The following ACACA variants were observed in gnomAD, a reference collection of about 807,000 sequenced individuals.
The protein encoded by ACACA is acetyl-CoA carboxylase 1.
A neutral mutation model predicts 296.1 loss-of-function variants in ACACA; 103 were observed. That is an observed-to-expected ratio of 0.35 (90% CI 0.30 to 0.41). The LOEUF (loss-of-function observed/expected upper bound fraction) is 0.41, where lower values mean the gene tolerates loss of function less well. Among genes scored for constraint, ACACA ranks in the 10% least tolerant of loss-of-function variants. The pLI is 1.00. For missense variants in ACACA, 1,554 were observed against 2,989.7 expected (o/e 0.52, Z 11.20); for synonymous variants, 953 against 1,038.6 (o/e 0.92, Z 1.58).
At chr17:37,155,428 T>C (rs781683000) in intron 43 of ACACA, among the ~76,000 whole-genome samples, 1 of 151,714 alleles carries the variant, frequency 6.6e-6, no homozygotes, top group Non-Finnish European at 1.5e-5. Flanking sequence ...TTGTGGCTAA[T>C]TTTTTTTTCT....
At chr17:37,325,072 G>T (rs149664409) in intron 3 of ACACA, among the ~76,000 whole-genome samples, 2 of 144,758 alleles carry the variant, frequency 1.4e-5, no homozygotes, top group African/African-American at 5.1e-5. Context: ...ATGGTGGCGC[G>T]CACCTCTAAT....
intron 25 of ACACA, among the ~76,000 whole-genome samples, chr17:37,233,823 C>T (rs2079979199): frequency 6.6e-6 from 1 of 152,280 alleles, no homozygotes; most frequent in South Asian, 2.1e-4. Flanking sequence ...ATTGTACTAA[C>T]ATATATATTT....
At chr17:37,293,387 C>T (rs2083168349) in intron 3 of ACACA, among the ~76,000 whole-genome samples, 1 of 151,694 alleles carries the variant, frequency 6.6e-6, no homozygotes, top group African/African-American at 2.4e-5. Flanking sequence ...CAATGAAACC[C>T]GAAAAAGCAA....
chr17:37,306,920 A>T (rs1224177359), intron 3 of ACACA, among the ~76,000 whole-genome samples: 2 of 150,714 alleles, frequency 1.3e-5, no homozygotes, highest in Non-Finnish European at 3.0e-5. Flanking sequence ...CTGGTCTTGA[A>T]CTCCTGGCCT....
chr17:37,262,188 T>C (rs1267624759), intron 11 of ACACA, among the ~76,000 whole-genome samples: 1 of 152,188 alleles, frequency 6.6e-6, no homozygotes, highest in Non-Finnish European at 1.5e-5. Flanking sequence ...TACTTCATCA[T>C]TTTAGGAATA....
intron 1 of ACACA, chr17:37,376,263 TC>T: frequency 1.1e-6 from 1 of 869,880 alleles, no homozygotes; most frequent in Non-Finnish European, 1.9e-6. Context: ...AGCAATACTT[TC>T]CAGAGTTAAT....
intron 25 of ACACA, among the ~76,000 whole-genome samples, chr17:37,230,986 G>A (rs1486395087): frequency 6.6e-6 from 1 of 152,188 alleles, no homozygotes; most frequent in African/African-American, 2.4e-5. Context: ...GTACAAAACA[G>A]TTATTTCTTG....
chr17:37,230,390 AT>A (rs2079802386), intron 25 of ACACA, among the ~76,000 whole-genome samples: 4 of 4,002 alleles, frequency 1.0e-3, no homozygotes, highest in Non-Finnish European at 2.1e-3. Context: ...ATCTCAAAAA[AT>A]AAATAAATAA....
chr17:37,226,508 T>C (rs2079551823), intron 25 of ACACA, 56 bp from the exon 26 acceptor site: 4 of 1,424,900 alleles, frequency 2.8e-6, no homozygotes, highest in South Asian at 1.1e-5. Flanking sequence ...AACAGGTGGA[T>C]AGGATTTTAA....
intron 42 of ACACA, among the ~76,000 whole-genome samples, chr17:37,158,994 A>G (rs1240771682): frequency 6.6e-6 from 1 of 151,972 alleles, no homozygotes; most frequent in East Asian, 1.9e-4. Flanking sequence ...TCTGGGCAAC[A>G]CAGCAAAACC....
chr17:37,143,710 C>A, intron 45 of ACACA: 1 of 906,048 alleles, frequency 1.1e-6, no homozygotes, highest in African/African-American at 1.7e-5. Context: ...CTTCATCTTC[C>A]TCCTCCTCAT....
rs1345364710 is a variant in ACACA at position 37,390,173 on chromosome 17, T to TACAC, written c.38+16088_38+16089insGTGT. On this transcript the variant is annotated intron_variant, in intron 1 of 55. Coordinates refer to ENST00000616317, the MANE Select transcript of ACACA (RefSeq NM_198834.3). Reference sequence around the variant, plus strand: ...ATATATATATATATATATATATATATATACACACACACATTATATATAAAT... The same window carrying TACAC: ...ATATATATATATATATATATATATATACACATACACACACACATTATATATAAAT... Among the ~76,000 whole-genome samples the TACAC allele has an allele frequency of 4.5e-3, 202 of 44,986 alleles. 16 individuals carry two copies. Among genetic ancestry groups the TACAC allele is most frequent in the African/African-American group, 0.019 (177 of 9,282 alleles). The allele number at this position is 44,986 out of a possible 152,430, so 29.5% of individuals were successfully genotyped here.
At chr17:37,343,966 G>A (rs2048499919) in intron 1 of ACACA, among the ~76,000 whole-genome samples, 1 of 151,770 alleles carries the variant, frequency 6.6e-6, no homozygotes, top group Non-Finnish European at 1.5e-5. Context: ...TAGTGAAACA[G>A]ATGCTGATTA....
Position 37,087,276 on chromosome 17 carries a change from T to G in ACACA, c.*40A>C. On this transcript the variant is annotated 3_prime_UTR_variant, in exon 56 of 56. Coordinates refer to ENST00000616317, the MANE Select transcript of ACACA (RefSeq NM_198834.3). ...AGTTGTAAAAGGCAGCTCTAGCCCTTTTCTCCAGAGACAGGGCAGGGACAG... is the reference window on the plus strand; with the variant it reads ...AGTTGTAAAAGGCAGCTCTAGCCCTGTTCTCCAGAGACAGGGCAGGGACAG... 6.2e-7 allele frequency: 1 copy of G among 1,613,600 alleles called. No individual in the cohort carries two copies. Among genetic ancestry groups the G allele is most frequent in the Middle Eastern group, 1.8e-4 (1 of 5,710 alleles).
At chr17:37,323,061 C>T (rs138066953) in intron 3 of ACACA, among the ~76,000 whole-genome samples, 64 of 152,388 alleles carry the variant, frequency 4.2e-4, no homozygotes, top group African/African-American at 1.5e-3. Flanking sequence ...TGTCTGCAGA[C>T]AGCAAAGCTG....
At chr17:37,245,006 A>C (rs2080621512) in intron 20 of ACACA, 74 bp downstream of exon 20, 6 of 1,601,742 alleles carry the variant, frequency 3.7e-6, no homozygotes, top group Non-Finnish European at 4.3e-6. Flanking sequence ...CCAAGCATTG[A>C]AATCACTTGC....
intron 41 of ACACA, among the ~76,000 whole-genome samples, chr17:37,166,929 T>C (rs2076689197): frequency 6.6e-6 from 1 of 152,042 alleles, no homozygotes; most frequent in Non-Finnish European, 1.5e-5. Context: ...CCTGTCCTTA[T>C]AGCTAATGTG....
chr17:37,252,220 T>C (rs2081027467), intron 15 of ACACA, 112 bp from the exon 16 acceptor site: 2 of 850,274 alleles, frequency 2.4e-6, no homozygotes, highest in African/African-American at 3.3e-5. Context: ...AATGAAAATC[T>C]CCATTCTCAC....
At chr17:37,154,461 G>C (rs2076160714) in intron 43 of ACACA, among the ~76,000 whole-genome samples, 1 of 152,018 alleles carries the variant, frequency 6.6e-6, no homozygotes, top group Admixed American at 6.6e-5. Context: ...ACACAAAAGA[G>C]TAAATTTTCA....
Sources: gnomAD v4.1 joint callset for allele counts (sites outside exome capture counted in the v4.1 genomes callset) on GRCh38, gnomAD v4.1.1 for gene constraint, MANE v1.5 for transcripts, NCBI Gene and HGNC (gene_info 2026-07-23, HGNC 2026-07-21) for gene names.